Variants in TJP1 observed in about 807,000 individuals in gnomAD.
TJP1 encodes tight junction protein 1, also known as tight junction protein ZO-1.
In TJP1, 43 loss-of-function variants were observed where a neutral mutation model predicts 194.2. That is an observed-to-expected ratio of 0.22 (90% confidence interval 0.17 to 0.29). The LOEUF (loss-of-function observed/expected upper bound fraction) is 0.29. TJP1 is among the 10% of genes least tolerant of loss of function. TJP1 has a pLI of 1.00. For synonymous variants in TJP1, 801 were observed against 779.0 expected, an observed-to-expected ratio of 1.03 and a Z score of -0.47; for missense variants, 1,971 against 2,185.7, an observed-to-expected ratio of 0.90 and a Z score of 1.96.
At chr15:29,752,898 C>T (rs1413990264) in intron 8 of TJP1, among the ~76,000 whole-genome samples, 1 of 152,084 alleles carries the variant, frequency 6.6e-6, no homozygotes. Context: ...GCTGCCCTTC[C>T]AGTAGGTCGA....
At chr15:29,817,967 G>C (rs2050049190) in intron 1 of TJP1, among the ~76,000 whole-genome samples, 1 of 151,458 alleles carries the variant, frequency 6.6e-6, no homozygotes, top group African/African-American at 2.4e-5. Flanking sequence ...GTATACCTAT[G>C]TAACAAATGT....
chr15:29,921,687 A>AT (rs2054364637), intron 2 of TJP1, among the ~76,000 whole-genome samples: 1 of 152,198 alleles, frequency 6.6e-6, no homozygotes, highest in Admixed American at 6.5e-5. Context: ...TTGATGGATC[A>AT]TATTTTTCAA....
intron 2 of TJP1, among the ~76,000 whole-genome samples, chr15:29,915,645 G>C (rs1003748115): frequency 2.6e-5 from 4 of 152,110 alleles, no homozygotes; most frequent in African/African-American, 9.7e-5. Flanking sequence ...ATACAACCTA[G>C]AAAAGAATTT....
intron 18 of TJP1, among the ~76,000 whole-genome samples, chr15:29,721,975 G>A (rs45486294): frequency 7.9e-4 from 120 of 152,312 alleles, no homozygotes; most frequent in African/African-American, 2.6e-3. Context: ...TTCAAGATGC[G>A]ACCTGGCTGC....
downstream of TJP1, chr15:29,699,976 T>A (rs2041444241): frequency 3.7e-6 from 1 of 269,276 alleles, no homozygotes; most frequent in African/African-American, 2.2e-5. Flanking sequence ...GCCCTTCAGA[T>A]GAGCACTGCC....
At chr15:29,844,236 A>G (rs2051330453) in intron 2 of TJP1, among the ~76,000 whole-genome samples, 1 of 151,870 alleles carries the variant, frequency 6.6e-6, no homozygotes, top group Non-Finnish European at 1.5e-5. Flanking sequence ...ACGCCGGCGG[A>G]TTTTTGTATT....
At chr15:29,853,230 T>C (rs1367465483) in intron 2 of TJP1, among the ~76,000 whole-genome samples, 1 of 152,164 alleles carries the variant, frequency 6.6e-6, no homozygotes, top group African/African-American at 2.4e-5. Flanking sequence ...GATAGATCAG[T>C]TCTTCCAGCA....
At chr15:29,768,371 G>A (rs2046448499) in intron 4 of TJP1, among the ~76,000 whole-genome samples, 1 of 152,160 alleles carries the variant, frequency 6.6e-6, no homozygotes, top group Non-Finnish European at 1.5e-5. Flanking sequence ...CTAGCTGCCT[G>A]CTTTTACATC....
At position 29,795,238 on chromosome 15, in the gene TJP1, A is replaced by C. The variant is rs112641676; in HGVS notation, c.84+5408T>G. Among the ~76,000 whole-genome samples, 627 of 152,168 alleles carry C rather than the reference A, an allele frequency of 4.1e-3. 6 individuals are homozygous for C. The highest frequency in any genetic ancestry group is 0.015 in the African/African-American group (608 of 41,532). On this transcript the variant is annotated intron_variant, in intron 2 of 27. Transcript: ENST00000614355. ...CAGGAGTTCAAGACCAGCCCAGCCA[A>C]CCTGGTGAAACACCGGCTCTACTAA...
At chr15:29,847,274 T>C (rs1428216495) in intron 2 of TJP1, among the ~76,000 whole-genome samples, 3 of 152,120 alleles carry the variant, frequency 2.0e-5, no homozygotes. Context: ...AGCTAATTTT[T>C]GTATTTTTTT....
chr15:29,807,901 T>A (rs1319193444), intron 1 of TJP1, among the ~76,000 whole-genome samples: 2 of 152,184 alleles, frequency 1.3e-5, no homozygotes, highest in Non-Finnish European at 1.5e-5. Context: ...TTTTTATATA[T>A]CCTACAATGA....
At chr15:29,785,158 G>C (rs1440431957) in intron 2 of TJP1, among the ~76,000 whole-genome samples, 1 of 152,196 alleles carries the variant, frequency 6.6e-6, no homozygotes, top group East Asian at 1.9e-4. Context: ...TTTAGCTTCT[G>C]GGGATGGAAG....
At position 29,765,942 on chromosome 15, in the gene TJP1, T is replaced by C. The variant is rs1428885241; in HGVS notation, c.589+324A>G. ...ACACTCCCAAGATTTCTCTCCATGA[T>C]TACACTACTAACAGTTAAGAAAAAC... On this transcript the variant is annotated intron_variant, in intron 5 of 27. Coordinates refer to ENST00000614355, the MANE Select transcript of TJP1 (RefSeq NM_001330239.4). 3.3e-5 allele frequency among the ~76,000 whole-genome samples: 5 copies of C among 152,258 alleles called. No homozygotes were observed. In the South Asian group the frequency reaches 1.0e-3, roughly 32 times the overall value.
chr15:29,774,003 T>C (rs920866320), intron 2 of TJP1, among the ~76,000 whole-genome samples: 1 of 152,186 alleles, frequency 6.6e-6, no homozygotes, highest in Non-Finnish European at 1.5e-5. Flanking sequence ...CAGGCCGGTA[T>C]AGAAAAAATT....
intron 1 of TJP1, among the ~76,000 whole-genome samples, chr15:29,802,223 T>C (rs2048836539): frequency 6.6e-6 from 1 of 152,330 alleles, no homozygotes; most frequent in Non-Finnish European, 1.5e-5. Flanking sequence ...CACCCATTAC[T>C]ATAAATGCCT....
intron 2 of TJP1, among the ~76,000 whole-genome samples, chr15:29,912,272 T>C (rs1467605819): frequency 1.3e-5 from 2 of 152,216 alleles, no homozygotes; most frequent in Admixed American, 1.3e-4. Flanking sequence ...ACCGGGGAGT[T>C]AGGATTTCAA....
chr15:29,935,324 C>T (rs1223729174), intron 2 of TJP1, among the ~76,000 whole-genome samples: 1 of 152,200 alleles, frequency 6.6e-6, no homozygotes, highest in Non-Finnish European at 1.5e-5. Flanking sequence ...GTATTCACCT[C>T]CTCTGTTCCA....
At chr15:29,892,375 C>A (rs1312700280) in intron 2 of TJP1, among the ~76,000 whole-genome samples, 1 of 152,222 alleles carries the variant, frequency 6.6e-6, no homozygotes, top group Non-Finnish European at 1.5e-5. Flanking sequence ...GATGCAGAAG[C>A]TGCAGCAAGT....
At chr15:29,942,368 TCA>T (rs1274953801) in intron 2 of TJP1, among the ~76,000 whole-genome samples, 1 of 152,160 alleles carries the variant, frequency 6.6e-6, no homozygotes, top group Non-Finnish European at 1.5e-5. Context: ...CCGGTACCAC[TCA>T]CAAGAATGGA....
Sources: allele counts gnomAD v4.1 joint callset (sites outside exome capture counted in the v4.1 genomes callset), GRCh38; gene constraint gnomAD v4.1.1; transcripts MANE v1.5; gene names NCBI Gene and HGNC (gene_info 2026-07-23, HGNC 2026-07-21).